Variants in EDN3 observed in about 807,000 individuals in gnomAD.
The protein encoded by EDN3 is endothelin 3, also known as endothelin-3.
A neutral mutation model predicts 21.4 loss-of-function variants in EDN3; 9 were observed. That is an observed-to-expected ratio of 0.42 (90% CI 0.25 to 0.73). EDN3 has a LOEUF of 0.73. Among genes scored for constraint, EDN3 ranks in the 30% least tolerant of loss-of-function variants. The pLI is 0.26. For missense variants in EDN3, 327 were observed against 309.4 expected (o/e 1.06, Z -0.43); for synonymous variants, 133 against 126.2 (o/e 1.05, Z -0.36).
chr20:59,300,736 T>A lies in EDN3; in HGVS notation c.-77T>A, dbSNP rs11570254. Reference sequence around the variant, plus strand: ...CACAGCTGGAGGGCGAGGCCAGCTGTACCCGGCCCCAGTGCCCTTTCGCGG... The same window carrying A: ...CACAGCTGGAGGGCGAGGCCAGCTGAACCCGGCCCCAGTGCCCTTTCGCGG... On this transcript the variant is annotated 5_prime_UTR_variant, in exon 1 of 5. Transcript: ENST00000337938. 3.2e-3 allele frequency: 4,721 copies of A among 1,494,034 alleles called. 233 individuals carry two copies. The Admixed American group carries it at 0.081, about 26-fold the overall frequency. 92.5% of individuals were successfully genotyped at this position (1,494,034 alleles called of 1,614,324 possible).
At chr20:59,307,330 T>G (rs1377088685) in intron 2 of EDN3, among the ~76,000 whole-genome samples, 1 of 152,202 alleles carries the variant, frequency 6.6e-6, no homozygotes, top group Non-Finnish European at 1.5e-5. Flanking sequence ...TGTCATCTCA[T>G]GGGATCAGCT....
At chr20:59,306,831 G>A (rs1267881810) in intron 2 of EDN3, among the ~76,000 whole-genome samples, 2 of 152,114 alleles carry the variant, frequency 1.3e-5, no homozygotes, top group African/African-American at 4.8e-5. Context: ...GCACCAGAAT[G>A]TGATTTTGGG....
intron 2 of EDN3, among the ~76,000 whole-genome samples, chr20:59,303,841 T>C (rs1989213126): frequency 6.6e-6 from 1 of 152,216 alleles, no homozygotes; most frequent in Admixed American, 6.5e-5. Context: ...ACCTCTTCCC[T>C]TCCTTCCCGA....
chr20:59,318,240 C>T (rs1990306594), intron 2 of EDN3, among the ~76,000 whole-genome samples: 1 of 152,158 alleles, frequency 6.6e-6, no homozygotes, highest in Non-Finnish European at 1.5e-5. Flanking sequence ...CTGGGGCATG[C>T]ACGGGGAGTG....
rs558755751 is a variant in EDN3 at position 59,314,643 on chromosome 20, T to G, written c.366-6374T>G. 3.9e-5 allele frequency among the ~76,000 whole-genome samples: 6 copies of G among 152,214 alleles called. No individual in the cohort carries two copies. The South Asian group carries it at 1.0e-3, about 26-fold the overall frequency. On this transcript the variant is annotated intron_variant, in intron 2 of 4. Coordinates refer to ENST00000337938, the MANE Select transcript of EDN3 (RefSeq NM_207034.3). ...GGGTCCTATTGGCCCAGTTTAGGTC[T>G]CCTGACCAGTCCTCAGGCAGTGGTA... is the stretch of plus-strand genomic sequence containing the variant.
At chr20:59,306,498 C>T (rs567558450) in intron 2 of EDN3, among the ~76,000 whole-genome samples, 4 of 151,250 alleles carry the variant, frequency 2.6e-5, no homozygotes, top group South Asian at 2.1e-4. Context: ...ATGCCCAGGC[C>T]GGCTTCCCAG....
rs150235016 is a variant in EDN3 at position 59,321,438 on chromosome 20, C to T, written c.542+245C>T. The stretch of plus-strand genomic sequence containing the variant: ...TTTGGAACAGAAGCTTCACAGTGGC[C>T]GTGGCTACATCTGGTTTCCAGACAT... On this transcript the variant is annotated intron_variant, in intron 3 of 4. Coordinates refer to ENST00000337938, the MANE Select transcript of EDN3 (RefSeq NM_207034.3). Among the ~76,000 whole-genome samples the T allele has an allele frequency of 3.3e-4, 50 of 152,294 alleles. No homozygotes were observed. The East Asian group carries it at 5.4e-3, about 16-fold the overall frequency.
chr20:59,319,065 C>T (rs533871852), intron 2 of EDN3, among the ~76,000 whole-genome samples: 7 of 152,264 alleles, frequency 4.6e-5, no homozygotes, highest in South Asian at 4.1e-4. Context: ...TGAGAAAAAA[C>T]GGGCTTGAAG....
In EDN3 at chr20:59,325,511, G is replaced by C. The variant is rs917569991; in HGVS notation, c.*1052G>C. On this transcript the variant is annotated 3_prime_UTR_variant, in exon 5 of 5. Transcript: ENST00000337938. ...CCCATCTCCCCAACCCAGTCACAGA[G>C]AGATAGGAAACGGCATTTGAGTGGG... 1 of 152,234 alleles carries C rather than the reference G, an allele frequency of 6.6e-6. No individual in the cohort carries two copies. Among genetic ancestry groups the C allele is most frequent in the African/African-American group, 2.4e-5 (1 of 41,450 alleles). The allele number at this position is 152,234 out of a possible 1,614,324, so 9.4% of individuals were successfully genotyped here.
Position 59,318,514 on chromosome 20 carries a change from A to G in EDN3, c.366-2503A>G, listed in dbSNP as rs192812539. On this transcript the variant is annotated intron_variant, in intron 2 of 4. Transcript: ENST00000337938. ...GCGAACTCTCATTCCAGACTCTACA[A>G]TGTCAGCGGCAGGCTCTGCTGGGCC... Among the ~76,000 whole-genome samples, 600 of 152,204 alleles carry G rather than the reference A, an allele frequency of 3.9e-3. 16 individuals carry two copies. The highest frequency in any genetic ancestry group is 1.5e-3 in the Non-Finnish European group (99 of 68,000).
intron 1 of EDN3, 58 bp downstream of exon 1, chr20:59,300,922 G>A: frequency 6.3e-7 from 1 of 1,587,912 alleles, no homozygotes. Context: ...AGGACCCAGG[G>A]CGGGGGACCC....
intron 4 of EDN3, chr20:59,323,697 G>A (rs1990681718): frequency 2.5e-6 from 1 of 400,688 alleles, no homozygotes; most frequent in South Asian, 1.3e-4. Context: ...AGGAGCCATA[G>A]GGATGAGTGA....
At chr20:59,308,225 G>A (rs1288276408) in intron 2 of EDN3, among the ~76,000 whole-genome samples, 2 of 152,134 alleles carry the variant, frequency 1.3e-5, no homozygotes, top group African/African-American at 4.8e-5. Context: ...TAGGCGAGAG[G>A]GCGAGGGACC....
intron 2 of EDN3, among the ~76,000 whole-genome samples, chr20:59,309,348 T>C (rs1311953684): frequency 6.6e-6 from 1 of 152,166 alleles, no homozygotes; most frequent in Non-Finnish European, 1.5e-5. Flanking sequence ...GTAGATATAA[T>C]GCCTTGTAAT....
Position 59,322,313 on chromosome 20 carries a change from G to C in EDN3, c.543-59G>C. On this transcript the variant is annotated intron_variant, in intron 3 of 4. Coordinates refer to ENST00000337938, the MANE Select transcript of EDN3 (RefSeq NM_207034.3). The surrounding 1 kb of genome is among the most constrained non-coding windows in gnomAD (Gnocchi z 4.1). ...GAAGAGGAAGTCATAATTTGACACC[G>C]AAAAACCAGCCACAGGGAAAGGCAG... 3.1e-6 allele frequency: 5 copies of C among 1,604,868 alleles called. No individual in the cohort carries two copies. Among genetic ancestry groups the C allele is most frequent in the Non-Finnish European group, 4.3e-6 (5 of 1,171,672 alleles).
At position 59,302,624 on chromosome 20, in the gene EDN3, A is replaced by G. The variant is rs139116660; in HGVS notation, c.365+902A>G. Among the ~76,000 whole-genome samples the G allele has an allele frequency of 3.0e-3, 449 of 152,170 alleles. 2 individuals are homozygous for G. Among genetic ancestry groups the G allele is most frequent in the African/African-American group, 8.4e-3 (348 of 41,518 alleles). ...CTCTGGCATTGGCTTCCCCATCTCT[A>G]AGATCTGGGACTTGGATCAGACACC... On this transcript the variant is annotated intron_variant, in intron 2 of 4. Transcript: ENST00000337938.
chr20:59,307,130 C>G (rs11570281), intron 2 of EDN3, among the ~76,000 whole-genome samples: 42,924 of 151,938 alleles, frequency 0.28, 6,174 homozygotes, highest in Middle Eastern at 0.39. Flanking sequence ...GGGTGACAGA[C>G]CAAGATTCCA....
intron 2 of EDN3, among the ~76,000 whole-genome samples, chr20:59,319,069 C>T (rs777964502): frequency 6.5e-4 from 99 of 152,256 alleles, no homozygotes; most frequent in Non-Finnish European, 3.2e-4. Flanking sequence ...AAAAAACGGG[C>T]TTGAAGGAGG....
chr20:59,306,825 C>T (rs1989461646), intron 2 of EDN3, among the ~76,000 whole-genome samples: 1 of 152,008 alleles, frequency 6.6e-6, no homozygotes, highest in African/African-American at 2.4e-5. Context: ...AGCTGAGCAC[C>T]AGAATGTGAT....
Sources: gnomAD v4.1 joint callset for allele counts (sites outside exome capture counted in the v4.1 genomes callset) on GRCh38, gnomAD v4.1.1 for gene constraint, Gnocchi (gnomAD v3.1) non-coding constraint, MANE v1.5 for transcripts, NCBI Gene and HGNC (gene_info 2026-07-23, HGNC 2026-07-21) for gene names.